RAPH1: variants seen among roughly 807,000 people sequenced by gnomAD.
The protein encoded by RAPH1 is ras-associated and pleckstrin homology domains-containing protein 1.
A neutral mutation model predicts 88.1 loss-of-function variants in RAPH1; 18 were observed. The observed-to-expected ratio is 0.20, with a 90% CI of 0.14 to 0.30. The LOEUF (loss-of-function observed/expected upper bound fraction) is 0.30, where lower values mean the gene tolerates loss of function less well. Among genes scored for constraint, RAPH1 ranks in the 10% least tolerant of loss-of-function variants. The pLI, the probability that RAPH1 is intolerant of heterozygous loss-of-function variation, is 1.00. For missense variants in RAPH1, 1,448 were observed against 1,543.2 expected (o/e 0.94, Z 1.03); for synonymous variants, 587 against 559.0 (o/e 1.05, Z -0.71).
chr2:203,461,465 G>A, intron 5 of RAPH1, 57 bp from the exon 6 acceptor site: 1 of 1,299,192 alleles, frequency 7.7e-7, no homozygotes, highest in South Asian at 1.7e-5. Context: ...TCTAGGAAAG[G>A]CACTGATCCA....
intron 1 of RAPH1, among the ~76,000 whole-genome samples, chr2:203,520,702 T>G (rs998119591): frequency 6.6e-6 from 1 of 151,232 alleles, no homozygotes; most frequent in African/African-American, 2.4e-5. Context: ...TAAAGAAGGT[T>G]AAAAAAAAGA....
intron 1 of RAPH1, among the ~76,000 whole-genome samples, chr2:203,513,813 A>T (rs913325679): frequency 6.7e-6 from 1 of 148,180 alleles, no homozygotes; most frequent in East Asian, 2.1e-4. Flanking sequence ...ACAGCCCAGG[A>T]GACAGAGCAA....
chr2:203,524,886 T>A (rs946101166), intron 1 of RAPH1, among the ~76,000 whole-genome samples: 6 of 152,144 alleles, frequency 3.9e-5, no homozygotes, highest in South Asian at 2.1e-4. Flanking sequence ...CAATAAAAAA[T>A]TTTTTAAAGA....
At chr2:203,518,482 C>A (rs920093251) in intron 1 of RAPH1, among the ~76,000 whole-genome samples, 8 of 151,466 alleles carry the variant, frequency 5.3e-5, no homozygotes, top group Non-Finnish European at 8.8e-5. Context: ...CGCACCACTG[C>A]ACTCCAGCCT....
At chr2:203,512,485 G>A (rs765334467) in intron 1 of RAPH1, among the ~76,000 whole-genome samples, 3 of 151,982 alleles carry the variant, frequency 2.0e-5, no homozygotes, top group Non-Finnish European at 2.9e-5. Context: ...TGACATTAAT[G>A]AGACACAAAT....
Position 203,489,939 on chromosome 2 carries a change from T to C in RAPH1, c.377A>G (p.His126Arg), listed in dbSNP as rs1254674919. ...KATQKLPVSR[H>R]TLKHGTLKGL... ...TTTCAAGGTGCCATGTTTCAATGTA[T>C]GTCGGCTAACAGGCAATTTCTGAGT... Residue 126 changes from histidine to arginine, a missense_variant, in exon 4 of 14, where the codon CAT becomes CGT. By Grantham distance (29) the His-to-Arg change is conservative (BLOSUM62 0). Around this residue, in one of 2 missense-constraint regions of RAPH1, gnomAD observed 513 missense variants for 653.1 expected, o/e 0.79. Transcript: ENST00000319170. 3 of 1,614,118 alleles carry C rather than the reference T, an allele frequency of 1.9e-6. No homozygotes were observed. Among genetic ancestry groups the C allele is most frequent in the Non-Finnish European group, 1.7e-6 (2 of 1,180,050 alleles).
intron 1 of RAPH1, among the ~76,000 whole-genome samples, chr2:203,499,980 A>C (rs908703863): frequency 6.6e-6 from 1 of 152,174 alleles, no homozygotes; most frequent in Non-Finnish European, 1.5e-5. Flanking sequence ...GCTCAGATAC[A>C]GGACAGCAGA....
intron 1 of RAPH1, among the ~76,000 whole-genome samples, chr2:203,527,448 G>A (rs761155754): frequency 3.9e-5 from 6 of 151,956 alleles, no homozygotes; most frequent in Non-Finnish European, 7.4e-5. Flanking sequence ...AAGCTTCTAC[G>A]AGAGACTGGT....
At position 203,435,185 on chromosome 2, in the gene RAPH1, T is replaced by G. The variant is rs1559431157; in HGVS notation, c.*4252A>C. The G allele has an allele frequency of 6.6e-6, 1 of 152,224 alleles. No homozygotes were observed. Among genetic ancestry groups the G allele is most frequent in the Non-Finnish European group, 1.5e-5 (1 of 68,036 alleles). The allele number at this position is 152,224 out of a possible 1,614,324, so 9.4% of individuals were successfully genotyped here. A position where few individuals can be genotyped will look rare whatever the true frequency, so the allele number is the denominator to read the frequency against. On this transcript the variant is annotated 3_prime_UTR_variant, in exon 14 of 14. Transcript: ENST00000319170. ...GACCTTGCAAGGGCACGGTAAGAACTGAGCACTTGTTTTATTTGAGGGATA... is the reference window on the plus strand; with the variant it reads ...GACCTTGCAAGGGCACGGTAAGAACGGAGCACTTGTTTTATTTGAGGGATA...
At chr2:203,511,145 T>A (rs189761948) in intron 1 of RAPH1, among the ~76,000 whole-genome samples, 103 of 152,224 alleles carry the variant, frequency 6.8e-4, no homozygotes, top group Admixed American at 1.2e-3. Context: ...AGAAACCATA[T>A]GGTTCTCATT....
intron 1 of RAPH1, among the ~76,000 whole-genome samples, chr2:203,507,339 T>C (rs1689138479): frequency 6.6e-6 from 1 of 152,206 alleles, no homozygotes; most frequent in South Asian, 2.1e-4. Context: ...ATAAAGTATT[T>C]ATTTTAAAAG....
At chr2:203,505,785 G>A (rs564135002) in intron 1 of RAPH1, among the ~76,000 whole-genome samples, 48 of 152,258 alleles carry the variant, frequency 3.2e-4, no homozygotes, top group Admixed American at 1.0e-3. Flanking sequence ...GCCACTCAGC[G>A]TGTAGTAATT....
intron 10 of RAPH1, among the ~76,000 whole-genome samples, chr2:203,450,859 G>A (rs2098514233): frequency 6.6e-6 from 1 of 151,174 alleles, no homozygotes; most frequent in South Asian, 2.1e-4. Flanking sequence ...AAGCCCAAGT[G>A]TGCATGTGTG....
chr2:203,444,163 G>C (rs1306606019), intron 13 of RAPH1: 2 of 152,306 alleles, frequency 1.3e-5, no homozygotes, highest in Non-Finnish European at 2.9e-5. Context: ...GCTGGGCACG[G>C]TGGCTCTCGC....
chr2:203,491,532 T>C (rs1442760706), intron 2 of RAPH1, among the ~76,000 whole-genome samples: 1 of 152,234 alleles, frequency 6.6e-6, no homozygotes, highest in African/African-American at 2.4e-5. Flanking sequence ...GCTTACTTTT[T>C]TTTTTGGAGA....
chr2:203,506,884 A>T (rs1351794712), intron 1 of RAPH1, among the ~76,000 whole-genome samples: 3 of 101,600 alleles, frequency 3.0e-5, no homozygotes, highest in African/African-American at 1.6e-4. Flanking sequence ...ATATATAGAT[A>T]TATATATATA....
intron 1 of RAPH1, among the ~76,000 whole-genome samples, chr2:203,511,403 G>A (rs995771381): frequency 6.6e-6 from 1 of 152,102 alleles, no homozygotes; most frequent in African/African-American, 2.4e-5. Context: ...ATTCTGCAAT[G>A]CACTTTAGCT....
chr2:203,494,318 A>T (rs983401632), intron 2 of RAPH1, among the ~76,000 whole-genome samples: 9 of 152,198 alleles, frequency 5.9e-5, no homozygotes, highest in Admixed American at 2.6e-4. Flanking sequence ...AACCATCTTC[A>T]CACAGTGAAT....
chr2:203,462,786 C>T (rs2098525208), intron 4 of RAPH1, among the ~76,000 whole-genome samples: 1 of 152,040 alleles, frequency 6.6e-6, no homozygotes, highest in Non-Finnish European at 1.5e-5. Flanking sequence ...CAGCAATAGG[C>T]CATAATATGC....
Sources: gnomAD v4.1 joint callset for allele counts (sites outside exome capture counted in the v4.1 genomes callset) on GRCh38, gnomAD v4.1.1 for gene constraint, gnomAD v4.1.1 regional missense constraint, MANE v1.5 for transcripts, NCBI Gene and HGNC (gene_info 2026-07-23, HGNC 2026-07-21) for gene names.